MSI2: variants seen among roughly 807,000 people sequenced by gnomAD.
The protein encoded by MSI2 is musashi RNA binding protein 2.
Under a neutral mutation model 45.6 loss-of-function variants are expected in MSI2, and 17 were observed. The observed-to-expected ratio is 0.37, with a 90% CI of 0.26 to 0.56. The LOEUF is 0.56. Ranked by LOEUF, MSI2 falls within the 20% of genes least tolerant of loss-of-function variation. The pLI, the probability that MSI2 is intolerant of heterozygous loss-of-function variation, is 0.77. For missense variants in MSI2, 293 were observed against 444.2 expected (o/e 0.66, Z 3.06); for synonymous variants, 156 against 158.2 (o/e 0.99, Z 0.11).
chr17:57,500,771 G>C (rs114772484), intron 6 of MSI2, among the ~76,000 whole-genome samples: 1 of 141,658 alleles, frequency 7.1e-6, no homozygotes, highest in Non-Finnish European at 1.5e-5. Context: ...TCAGGAGTTC[G>C]AGGCCACCCT....
intron 5 of MSI2, among the ~76,000 whole-genome samples, chr17:57,386,595 C>G (rs928854379): frequency 6.6e-6 from 1 of 152,154 alleles, no homozygotes; most frequent in Non-Finnish European, 1.5e-5. Context: ...GACCACAACC[C>G]TTCTGAAGCT....
Position 57,649,910 on chromosome 17 carries a change from G to A in MSI2, c.728-2189G>A, listed in dbSNP as rs564313746. Among the ~76,000 whole-genome samples the A allele has an allele frequency of 3.3e-5, 5 of 152,302 alleles. No individual in the cohort carries two copies. The South Asian group carries it at 1.0e-3, about 32-fold the overall frequency. On this transcript the variant is annotated intron_variant, in intron 10 of 13. Transcript: ENST00000284073. ...TGTAGGGCACAGAGGCAGTGGGGTG[G>A]CGACTATGGAGCTGCTGCCCGTGCT...
intron 6 of MSI2, among the ~76,000 whole-genome samples, chr17:57,417,836 G>C (rs1410605759): frequency 6.6e-6 from 1 of 152,170 alleles, no homozygotes; most frequent in Admixed American, 6.5e-5. Context: ...ACCACTGGTT[G>C]AAAGTCTGTA....
At chr17:57,577,416 C>G (rs2088079280) in intron 7 of MSI2, among the ~76,000 whole-genome samples, 1 of 152,218 alleles carries the variant, frequency 6.6e-6, no homozygotes, top group South Asian at 2.1e-4. Context: ...CTGGTCCAAA[C>G]CGTCCCATTT....
Position 57,585,847 on chromosome 17 carries a change from C to G in MSI2, c.455-11021C>G, listed in dbSNP as rs553230739. Among the ~76,000 whole-genome samples, 173 of 152,370 alleles carry G rather than the reference C, an allele frequency of 1.1e-3. 1 individual carries two copies. Among genetic ancestry groups the G allele is most frequent in the Admixed American group, 3.1e-3 (48 of 15,306 alleles). ...GCCCCGGGCTCTGTGGTTTCCAGAG[C>G]AGATGCGGAGGCGGCACGTCCTCGT... On this transcript the variant is annotated intron_variant, in intron 7 of 13. Transcript: ENST00000284073.
chr17:57,313,436 A>G (rs1912577971), intron 5 of MSI2, among the ~76,000 whole-genome samples: 1 of 152,190 alleles, frequency 6.6e-6, no homozygotes, highest in Admixed American at 6.5e-5. Flanking sequence ...CCTTTTGTGT[A>G]TTTACTGCAA....
At chr17:57,271,396 C>T (rs1040298799) in intron 5 of MSI2, among the ~76,000 whole-genome samples, 9 of 151,982 alleles carry the variant, frequency 5.9e-5, no homozygotes, top group Non-Finnish European at 7.4e-5. Flanking sequence ...GCGGGGGTGT[C>T]GGGCAAGCAC....
At chr17:57,553,618 A>C (rs1414302129) in intron 7 of MSI2, among the ~76,000 whole-genome samples, 1 of 152,152 alleles carries the variant, frequency 6.6e-6, no homozygotes, top group Non-Finnish European at 1.5e-5. Context: ...AATAGACTGG[A>C]AATCTATCTC....
chr17:57,406,437 C>T (rs1040595911), intron 6 of MSI2, among the ~76,000 whole-genome samples: 30 of 152,188 alleles, frequency 2.0e-4, no homozygotes, highest in African/African-American at 7.2e-4. Context: ...AAAAAGAGGC[C>T]TTTAAACTTA....
At chr17:57,528,972 G>T (rs2086762558) in intron 6 of MSI2, among the ~76,000 whole-genome samples, 1 of 152,076 alleles carries the variant, frequency 6.6e-6, no homozygotes, top group South Asian at 2.1e-4. Flanking sequence ...GTAAGCTATG[G>T]CTTCTTACAC....
At chr17:57,473,494 C>T (rs960285198) in intron 6 of MSI2, among the ~76,000 whole-genome samples, 4 of 152,212 alleles carry the variant, frequency 2.6e-5, no homozygotes, top group Admixed American at 2.0e-4. Flanking sequence ...CAAACATTCC[C>T]TGACATGGGG....
chr17:57,567,698 G>T (rs2087769444), intron 7 of MSI2, among the ~76,000 whole-genome samples: 1 of 152,238 alleles, frequency 6.6e-6, no homozygotes, highest in African/African-American at 2.4e-5. Flanking sequence ...CCCAGGCATT[G>T]GGAAGTCGGG....
rs115285407 is a variant in MSI2 at position 57,599,694 on chromosome 17, C to T, written c.537+2744C>T. On this transcript the variant is annotated intron_variant, in intron 8 of 13. Coordinates refer to ENST00000284073, the MANE Select transcript of MSI2 (RefSeq NM_138962.4). ...GGGGCAGATTGATTCGGATGACAGG[C>T]TTTGGAGGTGTTGGTCCACGTTCCC... 2.3e-3 allele frequency among the ~76,000 whole-genome samples: 355 copies of T among 152,250 alleles called. 2 individuals are homozygous for T. The highest frequency in any genetic ancestry group is 8.0e-3 in the African/African-American group (334 of 41,532).
intron 6 of MSI2, among the ~76,000 whole-genome samples, chr17:57,429,497 C>T (rs1046309640): frequency 6.6e-6 from 1 of 152,138 alleles, no homozygotes; most frequent in Non-Finnish European, 1.5e-5. Flanking sequence ...TCCAGGGAGG[C>T]TGTGATGAAG....
intron 6 of MSI2, among the ~76,000 whole-genome samples, chr17:57,432,278 G>T (rs926659121): frequency 6.6e-6 from 1 of 152,178 alleles, no homozygotes; most frequent in Admixed American, 6.5e-5. Flanking sequence ...CTTGCTCAGG[G>T]TCGGTGGCCC....
intron 5 of MSI2, 81 bp from the exon 6 acceptor site, chr17:57,401,298 A>C (rs1465916338): frequency 8.8e-7 from 1 of 1,137,502 alleles, no homozygotes; most frequent in Non-Finnish European, 1.3e-6. Flanking sequence ...AAATGTGGAG[A>C]GCAGATTGTT....
intron 5 of MSI2, among the ~76,000 whole-genome samples, chr17:57,391,000 C>T (rs2083780786): frequency 6.6e-6 from 1 of 152,206 alleles, no homozygotes; most frequent in Non-Finnish European, 1.5e-5. Context: ...GGAACTTTGA[C>T]ATGCTCAACT....
At chr17:57,359,429 T>C (rs1213412862) in intron 5 of MSI2, among the ~76,000 whole-genome samples, 1 of 152,238 alleles carries the variant, frequency 6.6e-6, no homozygotes, top group Non-Finnish European at 1.5e-5. Flanking sequence ...TACCAACTTC[T>C]GTAATTCTGT....
At chr17:57,384,515 C>G (rs764988868) in intron 5 of MSI2, among the ~76,000 whole-genome samples, 1 of 152,172 alleles carries the variant, frequency 6.6e-6, no homozygotes, top group Non-Finnish European at 1.5e-5. Context: ...CTTTTTATGA[C>G]TCAGCATTGA....
Sources: allele counts gnomAD v4.1 joint callset (sites outside exome capture counted in the v4.1 genomes callset), GRCh38; gene constraint gnomAD v4.1.1; transcripts MANE v1.5; gene names NCBI Gene and HGNC (gene_info 2026-07-23, HGNC 2026-07-21).